Variants in ANAPC7 observed in about 807,000 individuals in gnomAD.
ANAPC7 encodes the protein anaphase promoting complex subunit 7.
Under a neutral mutation model 63.3 loss-of-function variants are expected in ANAPC7, and 25 were observed. The ratio of observed to expected loss-of-function variants is 0.39; its 90% confidence interval spans 0.29 to 0.55. The LOEUF (loss-of-function observed/expected upper bound fraction) is 0.55. Ranked by LOEUF, ANAPC7 falls within the 20% of genes least tolerant of loss-of-function variation. The probability of loss-of-function intolerance (pLI) is 0.57; values close to 1 mark genes in which losing one functional copy is unlikely to be tolerated. For missense variants in ANAPC7, 516 were observed against 691.7 expected, an observed-to-expected ratio of 0.75 and a Z score of 2.85; for synonymous variants, 241 against 251.7, an observed-to-expected ratio of 0.96 and a Z score of 0.40.
chr12:110,377,266 C>A (rs183282424), intron 9 of ANAPC7, 127 bp downstream of exon 9: 178 of 788,964 alleles, frequency 2.3e-4, no homozygotes, highest in Middle Eastern at 1.3e-3. Context: ...TCCAAGCAGG[C>A]TCAGACCTGC....
Position 110,386,452 on chromosome 12 carries a change from G to C in ANAPC7, c.692C>G (p.Ser231Cys), listed in dbSNP as rs867749257. 6.2e-7 allele frequency: 1 copy of C among 1,611,906 alleles called. No individual in the cohort carries two copies. The highest frequency in any genetic ancestry group is 8.5e-7 in the Non-Finnish European group (1 of 1,179,326). ...ISTICSLEKK[S>C]LLRDNVDLLG... ...TAGGTCCACGTTATCTCGCAATAAG[G>C]ATTTTTTCTCTAGTGAACTTTAAGA... The change falls in exon 6 of 11, where the codon TCC (serine) becomes TGC (cysteine). Residue 231 changes from serine (S) to cysteine (C), a missense_variant. Around this residue, in one of 4 missense-constraint regions of ANAPC7, gnomAD observed 199 missense variants for 249.3 expected, o/e 0.80. Coordinates refer to ENST00000455511, the MANE Select transcript of ANAPC7 (RefSeq NM_016238.3).
chr12:110,399,073 T>C (rs2062185027), intron 1 of ANAPC7, among the ~76,000 whole-genome samples: 1 of 150,464 alleles, frequency 6.6e-6, no homozygotes, highest in Non-Finnish European at 1.5e-5. Context: ...CAGGCTAGAA[T>C]GCAGTGGCAC....
chr12:110,390,311 T>C (rs1335757361), intron 3 of ANAPC7, among the ~76,000 whole-genome samples: 3 of 152,112 alleles, frequency 2.0e-5, no homozygotes, highest in Non-Finnish European at 4.4e-5. Flanking sequence ...TGACCTCAGG[T>C]GATCCAACCA....
At chr12:110,401,950 C>CAAAAAAA (rs747810973) in intron 1 of ANAPC7, among the ~76,000 whole-genome samples, 1 of 46,130 alleles carries the variant, frequency 2.2e-5, no homozygotes, top group Non-Finnish European at 4.2e-5. Context: ...GACTCCGTCT[C>CAAAAAAA]AAAAAAAAAA....
At position 110,396,246 on chromosome 12, in the gene ANAPC7, AC is replaced by A. The variant is rs1369978385; in HGVS notation, c.288+19del. ...TTCTCAAAAAAAAAAAAAAAAAATC[AC>A]AATTCTATCTCCAATTACCTGACTT... On this transcript the variant is annotated intron_variant, in intron 2 of 10. Transcript: ENST00000455511. 6.3e-7 allele frequency: 1 copy of A among 1,576,262 alleles called. No homozygotes were observed. Among genetic ancestry groups the A allele is most frequent in the Non-Finnish European group, 8.6e-7 (1 of 1,164,282 alleles).
At chr12:110,394,883 G>C (rs1452793229) in intron 3 of ANAPC7, among the ~76,000 whole-genome samples, 1 of 151,806 alleles carries the variant, frequency 6.6e-6, no homozygotes, top group African/African-American at 2.4e-5. Context: ...AAATAAAAAA[G>C]AAAAAACAAA....
At chr12:110,388,765 GA>G in intron 3 of ANAPC7, 142 bp from the exon 4 acceptor site, 1 of 640,856 alleles carries the variant, frequency 1.6e-6, no homozygotes, top group Non-Finnish European at 2.7e-6. Flanking sequence ...AATAAAGGCA[GA>G]CTGACCCCAT....
In ANAPC7 at chr12:110,377,510, C is replaced by CT. The variant is rs1881397991; in HGVS notation, c.1239dup (p.Ala414SerfsTer6). ...ACTGGGTCTTCAAGACAAACGGTGG[C>CT]TAAAAGGGTAAGGGTCTGTGCATTT... On this transcript the variant is annotated frameshift_variant, in exon 9 of 11. Coordinates refer to ENST00000455511, the MANE Select transcript of ANAPC7 (RefSeq NM_016238.3). LOFTEE classifies it high-confidence loss of function. The CT allele has an allele frequency of 6.2e-7, 1 of 1,614,002 alleles. No homozygotes were observed. Among genetic ancestry groups the CT allele is most frequent in the Non-Finnish European group, 8.5e-7 (1 of 1,180,042 alleles).
rs574944063 is a variant in ANAPC7, at chr12:110,383,067, CT to C, written c.818-108del. 3.4e-4 allele frequency: 247 copies of C among 727,812 alleles called. No homozygotes were observed. In the African/African-American group the frequency reaches 4.1e-3, roughly 12 times the overall value. 45.1% of individuals were successfully genotyped at this position (727,812 alleles called of 1,614,324 possible). On this transcript the variant is annotated intron_variant, in intron 6 of 10. Coordinates refer to ENST00000455511, the MANE Select transcript of ANAPC7 (RefSeq NM_016238.3). ...AGACCCCATGCTGAGGCCCCAGCTCCTGCAGGGGCTAAGCCCTTTCCACCAT... is the reference window on the plus strand; with the variant it reads ...AGACCCCATGCTGAGGCCCCAGCTCCGCAGGGGCTAAGCCCTTTCCACCAT...
In ANAPC7 at chr12:110,377,610, G is replaced by C; in HGVS notation, c.1140C>G (p.Ile380Met). 6.2e-7 allele frequency: 1 copy of C among 1,614,116 alleles called. No homozygotes were observed. Among genetic ancestry groups the C allele is most frequent in the Non-Finnish European group, 8.5e-7 (1 of 1,180,022 alleles). Residue 380 changes from isoleucine (I) to methionine (M), a missense_variant, in exon 9 of 11, where the codon ATC becomes ATG. Ile to Met is a conservative substitution (Grantham distance 10, BLOSUM62 1). Coordinates refer to ENST00000455511, the MANE Select transcript of ANAPC7 (RefSeq NM_016238.3). ...PCRLDCYEGL[I>M]ECYLASNSIR... Reference sequence around the variant, plus strand: ...TACTGTTGGAGGCTAAGTAACATTCGATAAGACCTGAAAAAAGTAAAACAC... The same window carrying C: ...TACTGTTGGAGGCTAAGTAACATTCCATAAGACCTGAAAAAAGTAAAACAC...
chr12:110,380,484 C>A (rs1232680788), intron 8 of ANAPC7, among the ~76,000 whole-genome samples: 1 of 151,326 alleles, frequency 6.6e-6, no homozygotes, highest in Non-Finnish European at 1.5e-5. Flanking sequence ...AACTCCATCT[C>A]ACTAAAAAAT....
In ANAPC7 at chr12:110,387,773, T is replaced by C. The variant is rs1314789967; in HGVS notation, c.640A>G (p.Thr214Ala). Reference sequence around the variant, plus strand: ...CTGATTGCTCTTGAGTTGTCACCAGTGTGCACAAAAGCATACGCTTTGATC... The same window carrying C: ...CTGATTGCTCTTGAGTTGTCACCAGCGTGCACAAAAGCATACGCTTTGATC... ...VWIKAYAFVH[T>A]GDNSRAISTI... The change falls in exon 5 of 11, where the codon ACT becomes GCT. Residue 214 changes from threonine to alanine, a missense_variant. Thr to Ala is a moderately conservative substitution (Grantham distance 58). Transcript: ENST00000455511. The C allele has an allele frequency of 1.2e-6, 2 of 1,613,950 alleles. No individual in the cohort carries two copies. The highest frequency in any genetic ancestry group is 1.7e-6 in the Non-Finnish European group (2 of 1,179,926).
At chr12:110,388,663 A>T in intron 3 of ANAPC7, 40 bp from the exon 4 acceptor site, 1 of 1,407,920 alleles carries the variant, frequency 7.1e-7, no homozygotes, top group Non-Finnish European at 1.0e-6. Flanking sequence ...ATAAGCGTAT[A>T]TTGCAAAGAA....
At chr12:110,384,869 A>C (rs1436925297) in intron 6 of ANAPC7, among the ~76,000 whole-genome samples, 1 of 152,142 alleles carries the variant, frequency 6.6e-6, no homozygotes, top group Non-Finnish European at 1.5e-5. Context: ...AGAGTTCTAG[A>C]CCATCAGAAA....
chr12:110,382,494 ATT>A (rs1491168253), intron 7 of ANAPC7, among the ~76,000 whole-genome samples: 24 of 131,248 alleles, frequency 1.8e-4, no homozygotes, highest in African/African-American at 6.2e-4. Flanking sequence ...ATATATATAT[ATT>A]TATAGAGACA....
Position 110,377,454 on chromosome 12 carries a change from A to C in ANAPC7, c.1296T>G (p.Asp432Glu), listed in dbSNP as rs1451108989. ...AATCTGGCCTTTGGGTCAGGGCTTT[A>C]TCTAATAATGTTTTGGCTTTCTCCT... ...VTQEKAKTLLDKALTQRPDYI... is the reference protein window; with the variant it reads ...VTQEKAKTLLEKALTQRPDYI... Residue 432 changes from aspartate (D) to glutamate (E), a missense_variant, in exon 9 of 11, where the codon GAT (aspartate) becomes GAG (glutamate). Physicochemically the swap from Asp to Glu is conservative, Grantham distance 45. Transcript: ENST00000455511. 6.2e-7 allele frequency: 1 copy of C among 1,614,194 alleles called. No individual in the cohort carries two copies.
intron 3 of ANAPC7, among the ~76,000 whole-genome samples, chr12:110,393,094 C>T (rs1388944078): frequency 6.6e-6 from 1 of 152,020 alleles, no homozygotes; most frequent in African/African-American, 2.4e-5. Context: ...CATGCCCAGC[C>T]GACACCAGAT....
intron 6 of ANAPC7, among the ~76,000 whole-genome samples, chr12:110,385,175 G>A (rs1422526335): frequency 2.6e-5 from 4 of 152,178 alleles, no homozygotes; most frequent in African/African-American, 9.7e-5. Context: ...GCTGAGGTGG[G>A]AGAGTCACTT....
chr12:110,391,934 T>C (rs1295352446), intron 3 of ANAPC7, among the ~76,000 whole-genome samples: 1 of 151,486 alleles, frequency 6.6e-6, no homozygotes, highest in East Asian at 1.9e-4. Context: ...TCCACTAAAA[T>C]GCAAAAAAGT....
Sources: gnomAD v4.1 joint callset for allele counts (sites outside exome capture counted in the v4.1 genomes callset) on GRCh38, gnomAD v4.1.1 for gene constraint, gnomAD v4.1.1 regional missense constraint, MANE v1.5 for transcripts, NCBI Gene and HGNC (gene_info 2026-07-23, HGNC 2026-07-21) for gene names.